Variants in TBC1D23 observed in about 807,000 individuals in gnomAD.
TBC1D23 encodes the protein TBC1 domain family member 23.
Under a neutral mutation model 91.4 loss-of-function variants are expected in TBC1D23, and 55 were observed. The ratio of observed to expected loss-of-function variants is 0.60; its 90% CI spans 0.48 to 0.75. The LOEUF is 0.75. Ranked by LOEUF, TBC1D23 falls within the 30% of genes least tolerant of loss-of-function variation. The probability of loss-of-function intolerance (pLI) is 0.00; values close to 1 mark genes in which losing one functional copy is unlikely to be tolerated. For synonymous variants in TBC1D23, 289 were observed against 281.0 expected (o/e 1.03, Z -0.28); for missense variants, 725 against 836.1 (o/e 0.87, Z 1.64).
At chr3:100,296,120 CAA>C in intron 7 of TBC1D23, 50 bp from the exon 8 acceptor site, 2 of 1,038,500 alleles carry the variant, frequency 1.9e-6, no homozygotes. Context: ...GATACATAAA[CAA>C]TATTTGCATT....
chr3:100,282,195 C>G (rs1156514360), intron 3 of TBC1D23, among the ~76,000 whole-genome samples: 1 of 151,934 alleles, frequency 6.6e-6, no homozygotes, highest in East Asian at 1.9e-4. Flanking sequence ...GCCTGTAGTC[C>G]CAGCTACTTG....
In TBC1D23 at chr3:100,270,377, A is replaced by G. The variant is rs939597590; in HGVS notation, c.54-9272A>G. Among the ~76,000 whole-genome samples, 15 of 152,218 alleles carry G rather than the reference A, an allele frequency of 9.9e-5. No individual in the cohort carries two copies. The East Asian group carries it at 1.9e-3, about 20-fold the overall frequency. ...ATGTAAAGGGGACGAGAGCTGAGAA[A>G]GATGACTAATGACTTCTGAGAGCAC... On this transcript the variant is annotated intron_variant, in intron 1 of 18. Coordinates refer to ENST00000394144, the MANE Select transcript of TBC1D23 (RefSeq NM_001199198.3).
In TBC1D23 at chr3:100,295,332, C is replaced by T. The variant is rs1439744126; in HGVS notation, c.756C>T (p.Ser252=). 6 of 1,609,366 alleles carry T rather than the reference C, an allele frequency of 3.7e-6. No homozygotes were observed. In the African/African-American group the frequency reaches 8.0e-5, roughly 22 times the overall value. The change falls in exon 7 of 19, where the codon AGC becomes AGT. Residue 252 remains serine, a synonymous_variant. Coordinates refer to ENST00000394144, the MANE Select transcript of TBC1D23 (RefSeq NM_001199198.3). ...TTATTTTAACACAAGAGTCAGACAG[C>T]AAAGAAGAAGTTATCAGTAAGTATC... ...KEVILTQESD[S]KEEVIKFLEN...
intron 15 of TBC1D23, among the ~76,000 whole-genome samples, chr3:100,312,366 A>G (rs73148389): frequency 6.6e-6 from 1 of 152,302 alleles, no homozygotes; most frequent in Non-Finnish European, 1.5e-5. Context: ...ATGTATGTAT[A>G]TAGGTTGAGT....
intron 1 of TBC1D23, among the ~76,000 whole-genome samples, chr3:100,262,743 A>AC (rs2067523469): frequency 6.6e-6 from 1 of 151,552 alleles, no homozygotes; most frequent in Admixed American, 6.6e-5. Flanking sequence ...AAAAAAAAAA[A>AC]AACACTAAAA....
At chr3:100,296,790 G>T (rs2148862327) in intron 8 of TBC1D23, among the ~76,000 whole-genome samples, 1 of 151,530 alleles carries the variant, frequency 6.6e-6, no homozygotes, top group Middle Eastern at 3.4e-3. Flanking sequence ...AACCCAGGAG[G>T]CGGAGTTTGC....
At chr3:100,295,422 T>G in intron 7 of TBC1D23, 74 bp downstream of exon 7, 1 of 1,246,420 alleles carries the variant, frequency 8.0e-7, no homozygotes, top group Non-Finnish European at 1.1e-6. Flanking sequence ...TCCTCATTCG[T>G]AAATTTAGGA....
At chr3:100,306,349 G>T (rs879589715) in intron 12 of TBC1D23, 88 bp from the exon 13 acceptor site, 2 of 722,282 alleles carry the variant, frequency 2.8e-6, no homozygotes, top group Non-Finnish European at 4.8e-6. Flanking sequence ...TCTCAGCTGT[G>T]ACATGTTTAT....
At chr3:100,274,423 A>C (rs1305696562) in intron 1 of TBC1D23, among the ~76,000 whole-genome samples, 1 of 152,178 alleles carries the variant, frequency 6.6e-6, no homozygotes, top group Non-Finnish European at 1.5e-5. Context: ...ATTGTGGTAA[A>C]ATATACATAA....
intron 5 of TBC1D23, among the ~76,000 whole-genome samples, chr3:100,294,264 TA>T (rs1409255462): frequency 8.6e-5 from 13 of 151,320 alleles, no homozygotes; most frequent in Non-Finnish European, 1.3e-4. Flanking sequence ...TTTTTGTGTT[TA>T]TTTTTTTTTT....
chr3:100,303,876 C>T (rs955137518), intron 11 of TBC1D23, among the ~76,000 whole-genome samples: 15 of 152,030 alleles, frequency 9.9e-5, no homozygotes, highest in African/African-American at 1.7e-4. Flanking sequence ...TTTAATTATT[C>T]GAGTTCTTTA....
chr3:100,292,790 A>G (rs1268092017), intron 5 of TBC1D23, among the ~76,000 whole-genome samples: 3 of 151,828 alleles, frequency 2.0e-5, no homozygotes, highest in African/African-American at 7.3e-5. Flanking sequence ...TTGTAGAGTC[A>G]AGGTCTCACC....
At chr3:100,279,236 G>A (rs942046795) in intron 1 of TBC1D23, among the ~76,000 whole-genome samples, 2 of 152,134 alleles carry the variant, frequency 1.3e-5, no homozygotes, top group Admixed American at 1.3e-4. Flanking sequence ...TGTACGTGGG[G>A]TCAGTGATGT....
intron 16 of TBC1D23, among the ~76,000 whole-genome samples, chr3:100,317,366 T>C (rs755199082): frequency 6.6e-6 from 1 of 152,196 alleles, no homozygotes; most frequent in Non-Finnish European, 1.5e-5. Context: ...TTCTATCATA[T>C]AAACATACCA....
At chr3:100,304,697 C>A in intron 11 of TBC1D23, 149 bp from the exon 12 acceptor site, 1 of 615,642 alleles carries the variant, frequency 1.6e-6, no homozygotes, top group African/African-American at 1.9e-5. Context: ...ATATACCTCT[C>A]TCTGCCAAAG....
intron 13 of TBC1D23, 147 bp downstream of exon 13, chr3:100,306,690 A>C (rs1705523668): frequency 1.9e-6 from 1 of 534,766 alleles, no homozygotes; most frequent in Non-Finnish European, 3.4e-6. Context: ...GATTAATGAG[A>C]TGATACAGCA....
intron 11 of TBC1D23, among the ~76,000 whole-genome samples, chr3:100,302,811 C>T (rs1705456681): frequency 6.6e-6 from 1 of 152,194 alleles, no homozygotes; most frequent in Non-Finnish European, 1.5e-5. Flanking sequence ...ACATAGTGAT[C>T]TCCGGACCTC....
intron 15 of TBC1D23, among the ~76,000 whole-genome samples, chr3:100,312,984 T>C (rs1267394214): frequency 6.6e-6 from 1 of 151,680 alleles, no homozygotes; most frequent in Non-Finnish European, 1.5e-5. Flanking sequence ...AAACCCCGTC[T>C]CTACAGAGTG....
intron 7 of TBC1D23, among the ~76,000 whole-genome samples, chr3:100,295,832 A>C (rs1382940507): frequency 6.6e-6 from 1 of 152,198 alleles, no homozygotes; most frequent in African/African-American, 2.4e-5. Flanking sequence ...ATTTTTTCAC[A>C]CAAGACAAAG....
Sources: allele counts gnomAD v4.1 joint callset (sites outside exome capture counted in the v4.1 genomes callset), GRCh38; gene constraint gnomAD v4.1.1; transcripts MANE v1.5; gene names NCBI Gene and HGNC (gene_info 2026-07-23, HGNC 2026-07-21).